The following AMOTL1 variants were observed in gnomAD, a reference collection of about 807,000 sequenced individuals.
AMOTL1 encodes the protein angiomotin-like protein 1.
AMOTL1 carries 45 observed loss-of-function variants against 102.9 expected under a neutral mutation model. The observed-to-expected ratio is 0.44, with a 90% CI of 0.34 to 0.56. The LOEUF (loss-of-function observed/expected upper bound fraction) is 0.56. Ranked by LOEUF, AMOTL1 falls within the 20% of genes least tolerant of loss-of-function variation. The probability of loss-of-function intolerance (pLI) is 0.01; values close to 1 mark genes in which losing one functional copy is unlikely to be tolerated. For missense variants in AMOTL1, 1,114 were observed against 1,225.6 expected (o/e 0.91, Z 1.36); for synonymous variants, 481 against 484.7 (o/e 0.99, Z 0.10).
chr11:94,861,583 C>T (rs1198289221), intron 9 of AMOTL1, among the ~76,000 whole-genome samples: 2 of 152,204 alleles, frequency 1.3e-5, no homozygotes, highest in Non-Finnish European at 1.5e-5. Flanking sequence ...CCCTTCCTGA[C>T]TGTGCGTGTG....
intron 3 of AMOTL1, among the ~76,000 whole-genome samples, chr11:94,812,116 G>A (rs1419449762): frequency 3.9e-5 from 6 of 152,190 alleles, no homozygotes; most frequent in Non-Finnish European, 7.3e-5. Flanking sequence ...CTATTGATCC[G>A]AGCCTTAAAG....
intron 2 of AMOTL1, among the ~76,000 whole-genome samples, chr11:94,729,688 G>A (rs1437298671): frequency 2.0e-5 from 3 of 152,146 alleles, no homozygotes; most frequent in African/African-American, 7.2e-5. Flanking sequence ...GACCTACTTT[G>A]ATGGTAGGAG....
At chr11:94,847,162 A>C (rs1952431948) in intron 6 of AMOTL1, among the ~76,000 whole-genome samples, 1 of 152,222 alleles carries the variant, frequency 6.6e-6, no homozygotes, top group Admixed American at 6.5e-5. Flanking sequence ...GCTTTTGTCC[A>C]GTCTCCACAT....
chr11:94,752,475 G>A (rs544295049), intron 3 of AMOTL1, among the ~76,000 whole-genome samples: 2 of 152,226 alleles, frequency 1.3e-5, no homozygotes, highest in African/African-American at 4.8e-5. Flanking sequence ...TGCTGCCTGC[G>A]GAAATACACT....
Position 94,799,834 on chromosome 11 carries a change from G to A in AMOTL1, c.644G>A (p.Gly215Asp), listed in dbSNP as rs1175692328. 6.3e-7 allele frequency: 1 copy of A among 1,592,972 alleles called. No homozygotes were observed. The highest frequency in any genetic ancestry group is 8.6e-7 in the Non-Finnish European group (1 of 1,169,244). ...QQQQQQQGAV[G>D]HGYYMAGGTS... ...CAGCAACAGCAGCAGGGGGCGGTGGGCCATGGTTACTACATGGCAGGGGGC... is the reference window on the plus strand; with the variant it reads ...CAGCAACAGCAGCAGGGGGCGGTGGACCATGGTTACTACATGGCAGGGGGC... The change falls in exon 3 of 13, where the codon GGC (glycine) becomes GAC (aspartate). Residue 215 changes from glycine (G) to aspartate (D), a missense_variant. Physicochemically the swap from Gly to Asp is moderately conservative, Grantham distance 94. Coordinates refer to ENST00000433060, the MANE Select transcript of AMOTL1 (RefSeq NM_130847.3). The surrounding 1 kb of genome is among the most constrained non-coding windows in gnomAD (Gnocchi z 4.5).
chr11:94,744,564 G>A lies in AMOTL1; in HGVS notation c.136+3576G>A, dbSNP rs181406412. On this transcript the variant is annotated intron_variant, in intron 3 of 4. Coordinates refer to the AMOTL1 transcript ENST00000299004. ...CTCCCCAGAGGTCAGGTATGTGTGT[G>A]GCAGGGTGGAGGGGTAGTAGGTGGG... 2.0e-5 allele frequency among the ~76,000 whole-genome samples: 3 copies of A among 152,356 alleles called. No homozygotes were observed. In the East Asian group the frequency reaches 5.8e-4, roughly 29 times the overall value.
chr11:94,839,853 A>G (rs941881498), intron 6 of AMOTL1, among the ~76,000 whole-genome samples: 11 of 152,204 alleles, frequency 7.2e-5, no homozygotes, highest in African/African-American at 2.7e-4. Flanking sequence ...TTTATACTAG[A>G]AGTCTTAATT....
At chr11:94,819,919 G>A (rs1348855958) in intron 3 of AMOTL1, among the ~76,000 whole-genome samples, 1 of 152,212 alleles carries the variant, frequency 6.6e-6, no homozygotes, top group Non-Finnish European at 1.5e-5. Flanking sequence ...GAATAGTTAG[G>A]ATGGACTTGT....
intron 6 of AMOTL1, among the ~76,000 whole-genome samples, chr11:94,840,343 G>A (rs567226290): frequency 3.3e-4 from 50 of 152,122 alleles, no homozygotes; most frequent in South Asian, 1.7e-3. Flanking sequence ...AAATTTGGTC[G>A]TAGACCATTA....
At chr11:94,734,596 A>G (rs1471437803) in intron 2 of AMOTL1, among the ~76,000 whole-genome samples, 1 of 152,238 alleles carries the variant, frequency 6.6e-6, no homozygotes, top group Non-Finnish European at 1.5e-5. Flanking sequence ...GAAGAGAGTC[A>G]TGCTGAGCTC....
chr11:94,814,923 C>T (rs1406790112), intron 3 of AMOTL1, among the ~76,000 whole-genome samples: 3 of 152,162 alleles, frequency 2.0e-5, no homozygotes, highest in Admixed American at 2.0e-4. Flanking sequence ...GTATCCCACA[C>T]CCCCTAATAC....
At chr11:94,744,130 A>G (rs796718330) in intron 3 of AMOTL1, among the ~76,000 whole-genome samples, 62 of 152,326 alleles carry the variant, frequency 4.1e-4, no homozygotes, top group African/African-American at 1.4e-3. Flanking sequence ...AAGACTATCT[A>G]CCACTTCAGA....
At chr11:94,808,972 T>C in intron 3 of AMOTL1, among the ~76,000 whole-genome samples, 1 of 82,602 alleles carries the variant, frequency 1.2e-5, no homozygotes, top group Non-Finnish European at 2.5e-5. Flanking sequence ...TTTCTTTTTT[T>C]TTTTTTTTTT....
intron 3 of AMOTL1, among the ~76,000 whole-genome samples, chr11:94,804,216 T>C (rs1443654676): frequency 1.3e-5 from 2 of 152,358 alleles, no homozygotes; most frequent in South Asian, 2.1e-4. Flanking sequence ...TTACGGTGCC[T>C]GTTTTACTGC....
intron 3 of AMOTL1, among the ~76,000 whole-genome samples, chr11:94,810,023 T>G (rs1352712616): frequency 6.6e-6 from 1 of 152,204 alleles, no homozygotes; most frequent in Non-Finnish European, 1.5e-5. Flanking sequence ...TTTCCTCCTA[T>G]TTTAGACTTC....
chr11:94,757,890 C>T (rs1366918564), intron 3 of AMOTL1, among the ~76,000 whole-genome samples: 5 of 152,132 alleles, frequency 3.3e-5, no homozygotes, highest in African/African-American at 2.4e-5. Context: ...GGTGAAACCC[C>T]GTCTCTACCA....
chr11:94,814,119 T>C (rs1054011374), intron 3 of AMOTL1, among the ~76,000 whole-genome samples: 7 of 152,202 alleles, frequency 4.6e-5, no homozygotes, highest in Non-Finnish European at 2.9e-5. Context: ...TTATGGTCAA[T>C]GGGAGCTTAT....
intron 3 of AMOTL1, among the ~76,000 whole-genome samples, chr11:94,748,859 T>C (rs973322866): frequency 1.3e-5 from 2 of 152,150 alleles, no homozygotes; most frequent in African/African-American, 4.8e-5. Context: ...GTGTACCTAC[T>C]TCCTTCCCAT....
chr11:94,815,351 CA>C (rs550240864), intron 3 of AMOTL1, among the ~76,000 whole-genome samples: 3,702 of 147,844 alleles, frequency 0.025, 152 homozygotes, highest in African/African-American at 0.086. Context: ...CAAAAACAAA[CA>C]AAAAAAAAAT....
Sources: gnomAD v4.1 joint callset for allele counts (sites outside exome capture counted in the v4.1 genomes callset) on GRCh38, gnomAD v4.1.1 for gene constraint, Gnocchi (gnomAD v3.1) non-coding constraint, MANE v1.5 for transcripts, NCBI Gene and HGNC (gene_info 2026-07-23, HGNC 2026-07-21) for gene names.